PPP3R1: variants seen among roughly 807,000 people sequenced by gnomAD.
PPP3R1 encodes calcineurin subunit B type 1.
Under a neutral mutation model 22.6 loss-of-function variants are expected in PPP3R1, and 5 were observed. The ratio of observed to expected loss-of-function variants is 0.22; its 90% CI spans 0.12 to 0.46. PPP3R1 has a LOEUF of 0.46. Among genes scored for constraint, PPP3R1 ranks in the 20% least tolerant of loss-of-function variants. PPP3R1 has a pLI of 0.99. For synonymous variants in PPP3R1, 56 were observed against 65.2 expected (o/e 0.86, Z 0.68); for missense variants, 61 against 203.2 (o/e 0.30, Z 4.25).
intron 1 of PPP3R1, among the ~76,000 whole-genome samples, chr2:68,219,356 G>C (rs1669641438): frequency 6.6e-6 from 1 of 152,160 alleles, no homozygotes; most frequent in South Asian, 2.1e-4. Context: ...ATATAATTTT[G>C]TTCCACGTTC....
intron 1 of PPP3R1, among the ~76,000 whole-genome samples, chr2:68,228,082 T>A (rs964556164): frequency 2.0e-5 from 3 of 152,194 alleles, no homozygotes; most frequent in Admixed American, 6.5e-5. Flanking sequence ...TAATGTCAGC[T>A]GTAGGTTTTC....
intron 1 of PPP3R1, among the ~76,000 whole-genome samples, chr2:68,229,146 A>G (rs1295017449): frequency 6.6e-6 from 1 of 151,604 alleles, no homozygotes; most frequent in Non-Finnish European, 1.5e-5. Flanking sequence ...CATCCACTCA[A>G]CTACAGGCAT....
At chr2:68,208,201 T>G (rs1393733429) in intron 2 of PPP3R1, among the ~76,000 whole-genome samples, 2 of 152,152 alleles carry the variant, frequency 1.3e-5, no homozygotes, top group Non-Finnish European at 2.9e-5. Flanking sequence ...GTATTATAGA[T>G]CTACATAACA....
intron 1 of PPP3R1, among the ~76,000 whole-genome samples, chr2:68,223,955 T>C (rs1454222713): frequency 6.6e-6 from 1 of 151,880 alleles, no homozygotes; most frequent in Non-Finnish European, 1.5e-5. Context: ...GACGGCAAGA[T>C]AAAAGGTCAA....
chr2:68,221,130 A>C (rs1669681238), intron 1 of PPP3R1, among the ~76,000 whole-genome samples: 1 of 152,120 alleles, frequency 6.6e-6, no homozygotes, highest in African/African-American at 2.4e-5. Flanking sequence ...TCAGGAGTTC[A>C]AGACCAGCCT....
chr2:68,227,471 TG>T (rs1669804864), intron 1 of PPP3R1, among the ~76,000 whole-genome samples: 1 of 151,894 alleles, frequency 6.6e-6, no homozygotes, highest in South Asian at 2.1e-4. Context: ...AAGCAAAAGG[TG>T]TTTGGATGCA....
intron 1 of PPP3R1, among the ~76,000 whole-genome samples, chr2:68,248,254 G>C: frequency 6.6e-6 from 1 of 152,042 alleles, no homozygotes; most frequent in Middle Eastern, 3.2e-3. Flanking sequence ...TTTCTTCCAG[G>C]AAACTTTAAG....
At chr2:68,232,128 C>CACACACACACAA (rs1558641296) in intron 1 of PPP3R1, among the ~76,000 whole-genome samples, 1 of 109,248 alleles carries the variant, frequency 9.2e-6, no homozygotes, top group African/African-American at 3.1e-5. Context: ...TATATATACA[C>CACACACACACAA]ACACACACAC....
Position 68,187,316 on chromosome 2 carries a change from TG to T in PPP3R1, c.221-3del, listed in dbSNP as rs748971681. The T allele has an allele frequency of 4.4e-6, 7 of 1,607,910 alleles. No individual in the cohort carries two copies. In the African/African-American group the frequency reaches 8.0e-5, roughly 18 times the overall value. ...ACTGAGAGACGCCCTCAATGAATTC[TG>T]AATAAGAGTTAAAAATGTTCACAAA... On this transcript the variant is annotated splice_region_variant and splice_polypyrimidine_tract_variant and intron_variant, in intron 3 of 5. Coordinates refer to ENST00000234310, the MANE Select transcript of PPP3R1 (RefSeq NM_000945.4).
chr2:68,195,000 C>T (rs868685434), intron 2 of PPP3R1, among the ~76,000 whole-genome samples: 2 of 151,968 alleles, frequency 1.3e-5, no homozygotes, highest in Non-Finnish European at 2.9e-5. Flanking sequence ...AGGAGAGAAT[C>T]CTGGAAAAGA....
rs1404247994 is a variant in PPP3R1, at chr2:68,186,789, T to C, written c.281-137A>G. 9.2e-6 allele frequency: 8 copies of C among 868,936 alleles called. No homozygotes were observed. The East Asian group carries it at 1.3e-4, about 14-fold the overall frequency. The allele number at this position is 868,936 out of a possible 1,614,324, so 53.8% of individuals were successfully genotyped here. On this transcript the variant is annotated intron_variant, in intron 4 of 5. Coordinates refer to ENST00000234310, the MANE Select transcript of PPP3R1 (RefSeq NM_000945.4). ...TGTCTCCTTCCTTAAAATAGAGTTG[T>C]CCTTAGGCACAGTTTAACATAGTTG...
chr2:68,182,069 CAA>C (rs1674417103), intron 5 of PPP3R1, among the ~76,000 whole-genome samples: 2 of 81,758 alleles, frequency 2.4e-5, no homozygotes, highest in African/African-American at 7.2e-5. Context: ...TCCCCTCCTC[CAA>C]CCCCCCCCTC....
chr2:68,217,966 G>T lies in PPP3R1; in HGVS notation c.4-835C>A, dbSNP rs185428284. Among the ~76,000 whole-genome samples, 4 of 152,202 alleles carry T rather than the reference G, an allele frequency of 2.6e-5. No homozygotes were observed. The East Asian group carries it at 7.7e-4, about 29-fold the overall frequency. Reference sequence around the variant, plus strand: ...ACACCATTTGATTAGCAGTGGAATCGAAAGTACTTCTAAATCTAAAACAGT... The same window carrying T: ...ACACCATTTGATTAGCAGTGGAATCTAAAGTACTTCTAAATCTAAAACAGT... On this transcript the variant is annotated intron_variant, in intron 1 of 5. Transcript: ENST00000234310.
At chr2:68,221,964 C>T (rs1432680669) in intron 1 of PPP3R1, among the ~76,000 whole-genome samples, 1 of 148,132 alleles carries the variant, frequency 6.8e-6, no homozygotes, top group Non-Finnish European at 1.5e-5. Flanking sequence ...ATGTTCACTA[C>T]AAAAAAAAAG....
At chr2:68,247,841 T>A (rs1314404411) in intron 1 of PPP3R1, among the ~76,000 whole-genome samples, 2 of 152,234 alleles carry the variant, frequency 1.3e-5, no homozygotes, top group African/African-American at 4.8e-5. Flanking sequence ...TCTATCTGCA[T>A]TGTTACTGTA....
At chr2:68,197,627 T>C (rs1489037526) in intron 2 of PPP3R1, among the ~76,000 whole-genome samples, 5 of 152,136 alleles carry the variant, frequency 3.3e-5, no homozygotes, top group African/African-American at 9.7e-5. Flanking sequence ...ACAAGTGGTA[T>C]TGCCTATTTT....
At chr2:68,247,422 C>T (rs1315093664) in intron 1 of PPP3R1, among the ~76,000 whole-genome samples, 2 of 152,234 alleles carry the variant, frequency 1.3e-5, no homozygotes, top group African/African-American at 4.8e-5. Flanking sequence ...TGTTCAAACA[C>T]ATGTGCCTCT....
intron 2 of PPP3R1, among the ~76,000 whole-genome samples, chr2:68,196,187 T>C (rs144172578): frequency 6.6e-6 from 1 of 152,326 alleles, no homozygotes; most frequent in Non-Finnish European, 1.5e-5. Context: ...CATAGTGTTA[T>C]CAACAGAAGT....
intron 5 of PPP3R1, among the ~76,000 whole-genome samples, chr2:68,184,417 C>T (rs909421852): frequency 6.6e-6 from 1 of 152,178 alleles, no homozygotes. Flanking sequence ...CTCTTCTCTG[C>T]TCTTCATTTT....
Sources: allele counts gnomAD v4.1 joint callset (sites outside exome capture counted in the v4.1 genomes callset), GRCh38; gene constraint gnomAD v4.1.1; transcripts MANE v1.5; gene names NCBI Gene and HGNC (gene_info 2026-07-23, HGNC 2026-07-21).